KIFAP3: variants seen among roughly 807,000 people sequenced by gnomAD.
KIFAP3 encodes kinesin-associated protein 3.
A neutral mutation model predicts 106.5 loss-of-function variants in KIFAP3; 68 were observed. The ratio of observed to expected loss-of-function variants is 0.64; its 90% confidence interval spans 0.53 to 0.78. The LOEUF (loss-of-function observed/expected upper bound fraction) is 0.78. Among genes scored for constraint, KIFAP3 ranks in the 30% least tolerant of loss-of-function variants. The pLI is 0.00. For synonymous variants in KIFAP3, 320 were observed against 311.5 expected (o/e 1.03, Z -0.29); for missense variants, 780 against 941.8 (o/e 0.83, Z 2.25).
intron 10 of KIFAP3, among the ~76,000 whole-genome samples, chr1:170,010,310 G>A (rs1292436318): frequency 1.3e-5 from 2 of 151,892 alleles, no homozygotes; most frequent in African/African-American, 4.8e-5. Context: ...ATTTCAGCAT[G>A]AGATAGAAAA....
intron 3 of KIFAP3, among the ~76,000 whole-genome samples, chr1:170,041,124 T>G (rs914224138): frequency 6.6e-6 from 1 of 152,124 alleles, no homozygotes; most frequent in African/African-American, 2.4e-5. Context: ...CACCCAGCCC[T>G]TTTTGCTTGT....
At chr1:169,993,332 G>A (rs559809846) in intron 10 of KIFAP3, among the ~76,000 whole-genome samples, 7 of 150,918 alleles carry the variant, frequency 4.6e-5, no homozygotes, top group South Asian at 4.2e-4. Flanking sequence ...GGCTGGTCTC[G>A]AACTCTTGAC....
intron 10 of KIFAP3, among the ~76,000 whole-genome samples, chr1:169,998,397 TATACACACAC>T (rs950310152): frequency 1.7e-4 from 13 of 77,908 alleles, no homozygotes; most frequent in African/African-American, 7.3e-4. Context: ...TATATATATA[TATACACACAC>T]ACACACACAC....
At chr1:169,984,304 C>T (rs1180293580) in intron 12 of KIFAP3, among the ~76,000 whole-genome samples, 1 of 151,644 alleles carries the variant, frequency 6.6e-6, no homozygotes, top group Non-Finnish European at 1.5e-5. Context: ...GACTGCTTTG[C>T]AAAGAAAAAG....
At chr1:170,036,471 T>G (rs1362145915) in intron 5 of KIFAP3, among the ~76,000 whole-genome samples, 2 of 152,154 alleles carry the variant, frequency 1.3e-5, no homozygotes, top group African/African-American at 4.8e-5. Context: ...CATCCTATGA[T>G]AGCATTTCAC....
chr1:170,003,491 G>C (rs896024078), intron 10 of KIFAP3, among the ~76,000 whole-genome samples: 7 of 152,200 alleles, frequency 4.6e-5, no homozygotes, highest in African/African-American at 1.7e-4. Context: ...GGACGCACTT[G>C]AGGAGGCAGT....
intron 19 of KIFAP3, among the ~76,000 whole-genome samples, chr1:169,925,811 T>G (rs952856272): frequency 6.6e-6 from 1 of 152,134 alleles, no homozygotes; most frequent in Non-Finnish European, 1.5e-5. Flanking sequence ...GAGGCTTAAT[T>G]AGTGCGTATT....
intron 19 of KIFAP3, among the ~76,000 whole-genome samples, chr1:169,931,128 C>T (rs1302756989): frequency 6.6e-6 from 1 of 152,034 alleles, no homozygotes; most frequent in Non-Finnish European, 1.5e-5. Flanking sequence ...CCACGTTGTC[C>T]AGGCTAGTCT....
At position 169,984,550 on chromosome 1, in the gene KIFAP3, TAA is replaced by T; in HGVS notation, c.1393+30_1393+31del. 3 of 1,082,988 alleles carry T rather than the reference TAA, an allele frequency of 2.8e-6. No individual in the cohort carries two copies. In the South Asian group the frequency reaches 4.1e-5, roughly 15 times the overall value. The allele number at this position is 1,082,988 out of a possible 1,614,324, so 67.1% of individuals were successfully genotyped here. A position where few individuals can be genotyped will look rare whatever the true frequency, so the allele number is the denominator to read the frequency against. On this transcript the variant is annotated intron_variant, in intron 12 of 19. Coordinates refer to ENST00000361580, the MANE Select transcript of KIFAP3 (RefSeq NM_014970.4). Reference sequence around the variant, plus strand: ...CCATCATATACCAAATACCATATGCTAAAAAAGTTACCTACACTCAAAGGCAC... The same window carrying T: ...CCATCATATACCAAATACCATATGCTAAAAGTTACCTACACTCAAAGGCAC...
chr1:170,051,616 C>G (rs902515551), intron 2 of KIFAP3, among the ~76,000 whole-genome samples: 4 of 152,066 alleles, frequency 2.6e-5, no homozygotes, highest in Non-Finnish European at 5.9e-5. Context: ...TCAGCAAATG[C>G]AGAAGAATGG....
intron 10 of KIFAP3, among the ~76,000 whole-genome samples, chr1:170,013,915 C>T (rs1668376900): frequency 6.6e-6 from 1 of 152,178 alleles, no homozygotes; most frequent in Admixed American, 6.6e-5. Context: ...TGTTCCGTCA[C>T]ACTTCTCTAT....
At chr1:169,928,469 G>A (rs1663269606) in intron 19 of KIFAP3, among the ~76,000 whole-genome samples, 2 of 151,854 alleles carry the variant, frequency 1.3e-5, no homozygotes, top group South Asian at 4.2e-4. Context: ...CAGCACTTTG[G>A]GAGGCTGAGG....
intron 10 of KIFAP3, among the ~76,000 whole-genome samples, chr1:170,015,955 G>A (rs1486712354): frequency 6.6e-6 from 1 of 152,092 alleles, no homozygotes; most frequent in Non-Finnish European, 1.5e-5. Flanking sequence ...TTTAGAGGCT[G>A]AGGTGGGAGG....
At chr1:170,082,314 CGAAA>C (rs1557886649) in intron 1 of KIFAP3, among the ~76,000 whole-genome samples, 11 of 151,964 alleles carry the variant, frequency 7.2e-5, no homozygotes. Flanking sequence ...CTCATTATGA[CGAAA>C]GAACCATATG....
chr1:169,992,830 T>C (rs1009645058), intron 10 of KIFAP3, among the ~76,000 whole-genome samples: 43 of 152,172 alleles, frequency 2.8e-4, no homozygotes, highest in African/African-American at 1.0e-3. Context: ...GCTTTGAAAC[T>C]GAAAAAAAGT....
chr1:170,047,815 A>C (rs1256774690), intron 2 of KIFAP3, among the ~76,000 whole-genome samples: 4 of 152,104 alleles, frequency 2.6e-5, no homozygotes. Flanking sequence ...AGAGTTTGGA[A>C]ACAATTACCT....
intron 2 of KIFAP3, among the ~76,000 whole-genome samples, chr1:170,053,607 C>G (rs528870845): frequency 2.0e-4 from 30 of 152,156 alleles, no homozygotes; most frequent in Middle Eastern, 6.8e-3. Context: ...TACAAGGCTA[C>G]AGTAACCAAA....
intron 1 of KIFAP3, chr1:170,067,763 G>C (rs1488389379): frequency 6.6e-6 from 1 of 152,262 alleles, no homozygotes; most frequent in African/African-American, 2.4e-5. Context: ...CATACAAGCT[G>C]CTGGCCCCTG....
At chr1:170,037,911 A>G (rs1669771229) in intron 5 of KIFAP3, among the ~76,000 whole-genome samples, 1 of 152,232 alleles carries the variant, frequency 6.6e-6, no homozygotes, top group African/African-American at 2.4e-5. Context: ...GTGAAATTCA[A>G]TCTCAATGAA....
Sources: allele counts gnomAD v4.1 joint callset (sites outside exome capture counted in the v4.1 genomes callset), GRCh38; gene constraint gnomAD v4.1.1; transcripts MANE v1.5; gene names NCBI Gene and HGNC (gene_info 2026-07-23, HGNC 2026-07-21).